CHST9: variants seen among roughly 807,000 people sequenced by gnomAD.
CHST9 encodes the protein GalNAc-4-sulfotransferase 2.
A neutral mutation model predicts 44.4 loss-of-function variants in CHST9; 41 were observed. That is an observed-to-expected ratio of 0.92 (90% CI 0.72 to 1.20). The LOEUF (loss-of-function observed/expected upper bound fraction) is 1.20. Among genes scored for constraint, CHST9 ranks in the 50% most tolerant of loss-of-function variants. CHST9 has a pLI of 0.00. For synonymous variants in CHST9, 171 were observed against 178.4 expected, an observed-to-expected ratio of 0.96 and a Z score of 0.33; for missense variants, 504 against 516.5, an observed-to-expected ratio of 0.98 and a Z score of 0.23.
intron 2 of CHST9, among the ~76,000 whole-genome samples, chr18:27,125,609 A>G (rs2058413702): frequency 6.6e-6 from 1 of 152,214 alleles, no homozygotes; most frequent in Non-Finnish European, 1.5e-5. Flanking sequence ...TTCTTGCTAA[A>G]GAGATTCATA....
intron 1 of CHST9, among the ~76,000 whole-genome samples, chr18:27,143,475 T>TGAAATCTACCTCAGATTACA (rs1469653675): frequency 1.3e-5 from 2 of 152,138 alleles, no homozygotes; most frequent in East Asian, 1.9e-4. Flanking sequence ...ATGAAATTAC[T>TGAAATCTACCTCAGATTACA]GAAATCTACC....
At chr18:27,175,562 G>A (rs73406653) in intron 1 of CHST9, among the ~76,000 whole-genome samples, 2,001 of 152,128 alleles carry the variant, frequency 0.013, 46 homozygotes, top group African/African-American at 0.045. Context: ...ATGATATTTG[G>A]AGAGGTCACA....
intron 2 of CHST9, among the ~76,000 whole-genome samples, chr18:27,119,053 C>A (rs1229320047): frequency 6.6e-6 from 1 of 152,100 alleles, no homozygotes; most frequent in East Asian, 1.9e-4. Flanking sequence ...TGTTTTTCAG[C>A]ACCCAAACAT....
chr18:27,180,927 C>T (rs1275076386), intron 1 of CHST9, among the ~76,000 whole-genome samples: 1 of 151,874 alleles, frequency 6.6e-6, no homozygotes, highest in African/African-American at 2.4e-5. Context: ...TCAGTCTAGT[C>T]AAGTCTTTAA....
intron 3 of CHST9, among the ~76,000 whole-genome samples, chr18:27,035,480 A>T (rs1771489268): frequency 6.6e-6 from 1 of 152,096 alleles, no homozygotes. Context: ...AAAATGTGAG[A>T]CGTGTGTTTG....
intron 4 of CHST9, among the ~76,000 whole-genome samples, chr18:26,981,518 G>C (rs530785708): frequency 6.6e-6 from 1 of 152,308 alleles, no homozygotes; most frequent in South Asian, 2.1e-4. Context: ...GAGCACTTGA[G>C]AATGAACAGT....
At chr18:27,038,746 C>G (rs1162437059) in intron 3 of CHST9, among the ~76,000 whole-genome samples, 1 of 151,978 alleles carries the variant, frequency 6.6e-6, no homozygotes, top group African/African-American at 2.4e-5. Flanking sequence ...TTTCCATAGA[C>G]TACATTTTTC....
chr18:27,124,725 T>C (rs2058405362), intron 2 of CHST9, among the ~76,000 whole-genome samples: 1 of 152,120 alleles, frequency 6.6e-6, no homozygotes, highest in Non-Finnish European at 1.5e-5. Context: ...AAACCAGGAG[T>C]CTCTACCTAA....
chr18:26,996,331 C>T (rs1324594913), intron 4 of CHST9, among the ~76,000 whole-genome samples: 2 of 152,164 alleles, frequency 1.3e-5, no homozygotes, highest in African/African-American at 2.4e-5. Context: ...CCAAATCCCA[C>T]GTTGAAAGGT....
intron 4 of CHST9, among the ~76,000 whole-genome samples, chr18:27,011,247 A>C (rs2057080473): frequency 6.6e-6 from 1 of 152,250 alleles, no homozygotes; most frequent in Non-Finnish European, 1.5e-5. Flanking sequence ...CTATAATAAA[A>C]CACCACTGAA....
chr18:27,180,433 G>A (rs894920629), intron 1 of CHST9, among the ~76,000 whole-genome samples: 1 of 152,136 alleles, frequency 6.6e-6, no homozygotes, highest in African/African-American at 2.4e-5. Flanking sequence ...AGAGGACAGA[G>A]TCTGAGAGGG....
At position 26,956,322 on chromosome 18, in the gene CHST9, A is replaced by T. The variant is rs1221305382; in HGVS notation, c.203-11956T>A. On this transcript the variant is annotated intron_variant, in intron 4 of 5. Coordinates refer to ENST00000618847, the MANE Select transcript of CHST9 (RefSeq NM_031422.6). Reference sequence around the variant, plus strand: ...GTGAGACTCTGTCTCAAAAAAAAAAAAAAAATATATATATATATATATACA... The same window carrying T: ...GTGAGACTCTGTCTCAAAAAAAAAATAAAAATATATATATATATATATACA... 4.8e-4 allele frequency among the ~76,000 whole-genome samples: 65 copies of T among 136,736 alleles called. 1 individual carries two copies. Among genetic ancestry groups the T allele is most frequent in the Admixed American group, 3.1e-3 (44 of 14,122 alleles). 89.7% of individuals were successfully genotyped at this position (136,736 alleles called of 152,430 possible).
intron 4 of CHST9, among the ~76,000 whole-genome samples, chr18:26,949,908 G>A (rs986520514): frequency 3.3e-4 from 51 of 152,314 alleles, no homozygotes; most frequent in African/African-American, 1.2e-3. Flanking sequence ...GCCAAGTACT[G>A]TGGGCAACCT....
At chr18:27,141,784 A>G (rs866807730) in intron 2 of CHST9, among the ~76,000 whole-genome samples, 21 of 151,690 alleles carry the variant, frequency 1.4e-4, no homozygotes, top group South Asian at 2.1e-4. Context: ...AACTGGAGAC[A>G]ATCAAAAAAT....
At position 26,911,067 on chromosome 18, in the gene CHST9, T is replaced by A. The variant is rs1378967067; in HGVS notation, c.*5192A>T. The A allele has an allele frequency of 1.3e-5, 2 of 151,812 alleles. No homozygotes were observed. The highest frequency in any genetic ancestry group is 2.9e-5 in the Non-Finnish European group (2 of 67,906). 9.4% of individuals were successfully genotyped at this position (151,812 alleles called of 1,614,324 possible). A position where few individuals can be genotyped will look rare whatever the true frequency, so the allele number is the denominator to read the frequency against. On this transcript the variant is annotated 3_prime_UTR_variant, in exon 6 of 6. Transcript: ENST00000618847. ...TATTAGTGTAGAAAAGGTGTGTGGC[T>A]CAGCTCCCTTCCCTCAGCTGCCCTG...
intron 2 of CHST9, among the ~76,000 whole-genome samples, chr18:27,137,797 A>C (rs1397575792): frequency 1.6e-4 from 25 of 152,316 alleles, no homozygotes; most frequent in Non-Finnish European, 1.5e-5. Context: ...ACAGTTATAC[A>C]CCATGACTTT....
chr18:26,928,111 A>G (rs1490415160), intron 5 of CHST9: 1 of 153,102 alleles, frequency 6.5e-6, no homozygotes, highest in African/African-American at 2.4e-5. Flanking sequence ...GGTTGGGGGT[A>G]GGGTTACAGA....
chr18:27,157,229 C>G (rs2058704575), intron 1 of CHST9, among the ~76,000 whole-genome samples: 1 of 151,526 alleles, frequency 6.6e-6, no homozygotes, highest in Non-Finnish European at 1.5e-5. Flanking sequence ...ATCTAGGCAT[C>G]AGATGTGTTG....
intron 1 of CHST9, among the ~76,000 whole-genome samples, chr18:27,158,806 G>A (rs1332887546): frequency 5.3e-5 from 8 of 151,682 alleles, no homozygotes; most frequent in Non-Finnish European, 1.0e-4. Flanking sequence ...TCTAACTGGT[G>A]TGAGATGGTA....
Sources: gnomAD v4.1 joint callset for allele counts (sites outside exome capture counted in the v4.1 genomes callset) on GRCh38, gnomAD v4.1.1 for gene constraint, MANE v1.5 for transcripts, NCBI Gene and HGNC (gene_info 2026-07-23, HGNC 2026-07-21) for gene names.